The following NALF1 variants were observed in gnomAD, a reference collection of about 807,000 sequenced individuals.
NALF1 encodes the protein NALCN channel auxiliary factor 1.
NALF1 carries 3 observed loss-of-function variants against 48.4 expected under a neutral mutation model. That is an observed-to-expected ratio of 0.06 (90% CI 0.03 to 0.16). The LOEUF is 0.16. Ranked by LOEUF, NALF1 falls within the 10% of genes least tolerant of loss-of-function variation. The pLI, the probability that NALF1 is intolerant of heterozygous loss-of-function variation, is 1.00. For synonymous variants in NALF1, 262 were observed against 245.7 expected (o/e 1.07, Z -0.62); for missense variants, 526 against 571.5 (o/e 0.92, Z 0.81).
intron 1 of NALF1, among the ~76,000 whole-genome samples, chr13:107,678,717 T>C (rs545289580): frequency 1.3e-3 from 202 of 152,272 alleles, no homozygotes; most frequent in Admixed American, 3.3e-3. Context: ...CAAGGCAACG[T>C]CTTCACAACG....
intron 1 of NALF1, among the ~76,000 whole-genome samples, chr13:107,843,196 C>T (rs911527206): frequency 6.6e-6 from 1 of 152,124 alleles, no homozygotes; most frequent in South Asian, 2.1e-4. Context: ...GTATTCTAAG[C>T]GTTTTATTTA....
chr13:107,376,662 A>C (rs1883345334), intron 1 of NALF1, among the ~76,000 whole-genome samples: 1 of 152,212 alleles, frequency 6.6e-6, no homozygotes, highest in South Asian at 2.1e-4. Context: ...TTCCAAAGTA[A>C]CTTAGGTCTG....
intron 1 of NALF1, among the ~76,000 whole-genome samples, chr13:107,553,694 T>A (rs956143673): frequency 6.6e-6 from 1 of 152,252 alleles, no homozygotes; most frequent in East Asian, 1.9e-4. Flanking sequence ...AATTTATAGA[T>A]ACCTTATGGA....
At chr13:107,210,334 A>G (rs573101128) in intron 2 of NALF1, among the ~76,000 whole-genome samples, 2 of 152,336 alleles carry the variant, frequency 1.3e-5, no homozygotes, top group South Asian at 2.1e-4. Flanking sequence ...ATATTTTGCC[A>G]TCAGATTTCT....
At position 107,537,533 on chromosome 13, in the gene NALF1, T is replaced by C. The variant is rs549018889; in HGVS notation, c.916-326778A>G. ...CAATATTTTTACAGATTCATGCTAA[T>C]AATGATACAGTTGTCGTCTTATATC... On this transcript the variant is annotated intron_variant, in intron 1 of 2. Coordinates refer to ENST00000375915, the MANE Select transcript of NALF1 (RefSeq NM_001080396.3). Among the ~76,000 whole-genome samples, 3 of 152,260 alleles carry C rather than the reference T, an allele frequency of 2.0e-5. No homozygotes were observed. In the East Asian group the frequency reaches 5.8e-4, roughly 30 times the overall value.
chr13:107,373,843 G>A (rs184485989), intron 1 of NALF1, among the ~76,000 whole-genome samples: 148 of 152,226 alleles, frequency 9.7e-4, no homozygotes, highest in African/African-American at 3.2e-3. Context: ...GAGCATGGGA[G>A]AAGGTCAAGA....
chr13:107,835,241 A>G (rs541505067), intron 1 of NALF1, among the ~76,000 whole-genome samples: 127 of 152,170 alleles, frequency 8.3e-4, no homozygotes, highest in Non-Finnish European at 1.1e-3. Context: ...GGAACAACAG[A>G]TTTTTCCTTT....
intron 1 of NALF1, among the ~76,000 whole-genome samples, chr13:107,271,509 C>A (rs1332950391): frequency 6.6e-6 from 1 of 151,938 alleles, no homozygotes; most frequent in Non-Finnish European, 1.5e-5. Context: ...CTGAATGAGG[C>A]TAGACGACTG....
intron 1 of NALF1, among the ~76,000 whole-genome samples, chr13:107,645,553 T>C (rs1880292091): frequency 6.6e-6 from 1 of 152,098 alleles, no homozygotes; most frequent in Non-Finnish European, 1.5e-5. Context: ...ATCCACTTAA[T>C]ACAATTTTTA....
At chr13:107,620,982 G>A (rs1879503337) in intron 1 of NALF1, among the ~76,000 whole-genome samples, 1 of 152,022 alleles carries the variant, frequency 6.6e-6, no homozygotes, top group African/African-American at 2.4e-5. Flanking sequence ...CTGTGTGTGA[G>A]TGTGTGCGTG....
chr13:107,651,865 A>G (rs1049334404), intron 1 of NALF1, among the ~76,000 whole-genome samples: 1 of 152,182 alleles, frequency 6.6e-6, no homozygotes, highest in Non-Finnish European at 1.5e-5. Context: ...GTAAGGAGGC[A>G]TCTTACTCTC....
chr13:107,453,148 G>A (rs1268900231), intron 1 of NALF1, among the ~76,000 whole-genome samples: 3 of 152,130 alleles, frequency 2.0e-5, no homozygotes, highest in Non-Finnish European at 4.4e-5. Context: ...CTACCATTCT[G>A]GGGTATGCAG....
intron 1 of NALF1, among the ~76,000 whole-genome samples, chr13:107,755,093 G>T (rs567678031): frequency 4.6e-4 from 70 of 152,230 alleles, no homozygotes; most frequent in African/African-American, 1.7e-3. Flanking sequence ...AAGGCATAAG[G>T]AGTTAAAACC....
chr13:107,784,794 T>C (rs933023169), intron 1 of NALF1, among the ~76,000 whole-genome samples: 1 of 152,138 alleles, frequency 6.6e-6, no homozygotes, highest in Non-Finnish European at 1.5e-5. Context: ...CCTTCTACAC[T>C]GCTGGTGGGA....
chr13:107,289,546 T>TAC (rs1881573155), intron 1 of NALF1, among the ~76,000 whole-genome samples: 1 of 152,224 alleles, frequency 6.6e-6, no homozygotes, highest in East Asian at 1.9e-4. Flanking sequence ...TATATATGTC[T>TAC]ACACACACAT....
intron 1 of NALF1, among the ~76,000 whole-genome samples, chr13:107,329,020 G>C (rs911748231): frequency 2.0e-5 from 3 of 152,076 alleles, no homozygotes; most frequent in Admixed American, 6.5e-5. Flanking sequence ...GCTTCTCAAT[G>C]AGTTATCAAA....
At chr13:107,694,994 T>C (rs1041036828) in intron 1 of NALF1, among the ~76,000 whole-genome samples, 1 of 152,232 alleles carries the variant, frequency 6.6e-6, no homozygotes, top group African/African-American at 2.4e-5. Flanking sequence ...GGTTTCACCA[T>C]GTTGGCCAGG....
chr13:107,866,372 C>A lies in NALF1; in HGVS notation c.225G>T (p.Gln75His). Reference protein sequence around the residue: ...TRARDKEHQQQQRQQQQQQQQ... With the variant: ...TRARDKEHQQHQRQQQQQQQQ... ...GCTGCTGCTGCTGCTGCTGCCGCTG[C>A]TGCTGCTGGTGCTCCTTGTCCCGGG... Residue 75 changes from glutamine (Q) to histidine (H), a missense_variant, in exon 1 of 3, where the codon CAG becomes CAT. Around this residue, in one of 2 missense-constraint regions of NALF1, gnomAD observed 373 missense variants for 355.5 expected, o/e 1.05. Coordinates refer to ENST00000375915, the MANE Select transcript of NALF1 (RefSeq NM_001080396.3). This position sits in a 1 kb window ranked among gnomAD's most constrained non-coding sequence, Gnocchi z 4.4. 6.8e-7 allele frequency: 1 copy of A among 1,479,158 alleles called. No individual in the cohort carries two copies. The highest frequency in any genetic ancestry group is 9.0e-7 in the Non-Finnish European group (1 of 1,112,574). The allele number at this position is 1,479,158 out of a possible 1,614,324, so 91.6% of individuals were successfully genotyped here.
chr13:107,706,652 A>AT (rs1401747599), intron 1 of NALF1, among the ~76,000 whole-genome samples: 1 of 152,174 alleles, frequency 6.6e-6, no homozygotes, highest in East Asian at 1.9e-4. Flanking sequence ...AAAAGATTGG[A>AT]TTTTTTAAAT....
Sources: gnomAD v4.1 joint callset for allele counts (sites outside exome capture counted in the v4.1 genomes callset) on GRCh38, gnomAD v4.1.1 for gene constraint, gnomAD v4.1.1 regional missense constraint, Gnocchi (gnomAD v3.1) non-coding constraint, MANE v1.5 for transcripts, NCBI Gene and HGNC (gene_info 2026-07-23, HGNC 2026-07-21) for gene names.